ZNF236: variants seen among roughly 807,000 people sequenced by gnomAD.
ZNF236 encodes regulated by glucose.
A neutral mutation model predicts 191.2 loss-of-function variants in ZNF236; 50 were observed. The observed-to-expected ratio is 0.26, with a 90% CI of 0.21 to 0.33. ZNF236 has a LOEUF of 0.33. ZNF236 is among the 10% of genes least tolerant of loss of function. ZNF236 has a pLI of 1.00. For missense variants in ZNF236, 1,754 were observed against 2,374.5 expected (o/e 0.74, Z 5.43); for synonymous variants, 907 against 928.8 (o/e 0.98, Z 0.43).
chr18:76,826,834 GC>G (rs1295829604), intron 1 of ZNF236, among the ~76,000 whole-genome samples: 3 of 149,726 alleles, frequency 2.0e-5, no homozygotes, highest in Middle Eastern at 3.3e-3. Context: ...TTAGTGTTCT[GC>G]CTTGATAAAT....
Position 76,908,518 on chromosome 18 carries a change from G to C in ZNF236, c.2496G>C (p.Thr832=), listed in dbSNP as rs372650704. The change falls in exon 14 of 31, where the codon ACG becomes ACC. Residue 832 remains threonine (T), a synonymous_variant. Transcript: ENST00000320610. Reference sequence around the variant, plus strand: ...TGGAGCCTCAGCATGTGGTGGGCACGGAGGAAGCAGGGCTGGGCCAGCAGT... The same window carrying C: ...TGGAGCCTCAGCATGTGGTGGGCACCGAGGAAGCAGGGCTGGGCCAGCAGT... ...LDLEPQHVVG[T]EEAGLGQQLA... is the part of the protein sequence containing the mutation. 1.2e-6 allele frequency: 2 copies of C among 1,613,612 alleles called. No individual in the cohort carries two copies. Among genetic ancestry groups the C allele is most frequent in the Non-Finnish European group, 1.7e-6 (2 of 1,179,938 alleles).
intron 4 of ZNF236, 61 bp downstream of exon 4, chr18:76,868,924 T>C: frequency 1.4e-6 from 2 of 1,477,390 alleles, no homozygotes; most frequent in South Asian, 2.7e-5. Context: ...GCTGGCGCAC[T>C]TTGGTACGAC....
rs1977356762 is a variant in ZNF236, at chr18:76,894,948, G to C, written c.1418-65G>C. 1.9e-6 allele frequency: 3 copies of C among 1,574,572 alleles called. No homozygotes were observed. The South Asian group carries it at 3.4e-5, about 18-fold the overall frequency. On this transcript the variant is annotated intron_variant, in intron 9 of 30. Coordinates refer to ENST00000320610, the MANE Select transcript of ZNF236 (RefSeq NM_001306089.2). ...TGCAGCTTTCTGTGGGGACCACAGG[G>C]GGTCCTGGACCTGACCCTAGGCGGG... is the stretch of plus-strand genomic sequence containing the variant.
intron 21 of ZNF236, among the ~76,000 whole-genome samples, chr18:76,924,198 T>G (rs1202118857): frequency 1.3e-5 from 2 of 152,146 alleles, no homozygotes; most frequent in Non-Finnish European, 2.9e-5. Flanking sequence ...GCAGTGAACT[T>G]TTTGTGGATA....
In ZNF236 at chr18:76,902,006, T is replaced by C. The variant is rs535110572; in HGVS notation, c.1895-2374T>C. On this transcript the variant is annotated intron_variant, in intron 11 of 30. Transcript: ENST00000320610. ...GGTTTCTGGACTTCAAGTTTTTGAA[T>C]CTTCAGTTGAGTTAGGTTCTTGACT... Among the ~76,000 whole-genome samples, 28 of 152,280 alleles carry C rather than the reference T, an allele frequency of 1.8e-4. No individual in the cohort carries two copies. The South Asian group carries it at 4.1e-3, about 23-fold the overall frequency.
chr18:76,829,332 T>A (rs1222977928), intron 1 of ZNF236, among the ~76,000 whole-genome samples: 2 of 226 alleles, frequency 8.8e-3, no homozygotes, highest in African/African-American at 0.059. Flanking sequence ...CTGGGGGAGG[T>A]TTTTTTTTTT....
In ZNF236 at chr18:76,969,606, A is replaced by G. The variant is rs1276999805; in HGVS notation, c.*1267A>G. The G allele has an allele frequency of 1.3e-5, 2 of 152,522 alleles. No homozygotes were observed. Among genetic ancestry groups the G allele is most frequent in the Non-Finnish European group, 2.9e-5 (2 of 68,024 alleles). 9.4% of individuals were successfully genotyped at this position (152,522 alleles called of 1,614,324 possible). A position where few individuals can be genotyped will look rare whatever the true frequency, so the allele number is the denominator to read the frequency against. On this transcript the variant is annotated 3_prime_UTR_variant, in exon 31 of 31. Transcript: ENST00000320610. ...TGGATATCTTTTTCATTGTCATATA[A>G]AGCTGGGTTTTATTTTTTTTTCCTG... is the stretch of plus-strand genomic sequence containing the variant.
chr18:76,861,149 G>T (rs1976209456), intron 3 of ZNF236, among the ~76,000 whole-genome samples: 1 of 152,258 alleles, frequency 6.6e-6, no homozygotes, highest in South Asian at 2.1e-4. Context: ...TTGGCAATAT[G>T]TTGGCTCTCT....
At chr18:76,958,144 C>T (rs938529067) in intron 28 of ZNF236, among the ~76,000 whole-genome samples, 1 of 152,194 alleles carries the variant, frequency 6.6e-6, no homozygotes, top group East Asian at 1.9e-4. Context: ...CCTCACTTGT[C>T]GCTTGTAGCA....
intron 1 of ZNF236, among the ~76,000 whole-genome samples, chr18:76,825,445 C>G (rs1361990821): frequency 1.3e-5 from 2 of 151,966 alleles, no homozygotes; most frequent in Non-Finnish European, 2.9e-5. Context: ...TAGCACGAAT[C>G]TAGGTGGTGG....
chr18:76,837,066 G>A (rs1299485614), intron 1 of ZNF236, among the ~76,000 whole-genome samples: 1 of 149,388 alleles, frequency 6.7e-6, no homozygotes, highest in Non-Finnish European at 1.5e-5. Context: ...AGTAGAGATG[G>A]GGTTTTGCCA....
chr18:76,843,372 G>A (rs952449222), intron 1 of ZNF236, among the ~76,000 whole-genome samples: 1 of 152,174 alleles, frequency 6.6e-6, no homozygotes, highest in Non-Finnish European at 1.5e-5. Flanking sequence ...AGGGCTCCAG[G>A]ATCCAGACAC....
intron 30 of ZNF236, among the ~76,000 whole-genome samples, chr18:76,964,837 C>A (rs904492744): frequency 1.3e-5 from 2 of 152,138 alleles, no homozygotes; most frequent in Non-Finnish European, 2.9e-5. Flanking sequence ...TTTTTAGCTG[C>A]TGTTGCTGAT....
rs1038150205 is a variant in ZNF236 at position 76,875,783 on chromosome 18, C to T, written c.840+119C>T. The T allele has an allele frequency of 3.4e-5, 38 of 1,108,818 alleles. No individual in the cohort carries two copies. The highest frequency in any genetic ancestry group is 7.2e-5 in the South Asian group (2 of 27,892). The allele number at this position is 1,108,818 out of a possible 1,614,324, so 68.7% of individuals were successfully genotyped here. On this transcript the variant is annotated intron_variant, in intron 6 of 30. Transcript: ENST00000320610. This position sits in a 1 kb window ranked among gnomAD's most constrained non-coding sequence, Gnocchi z 4.3. Reference sequence around the variant, plus strand: ...AAAAAAATGCAGATTGATTTTGTGCCGAGCAGACCCTGTTTTAAAAAATAC... The same window carrying T: ...AAAAAAATGCAGATTGATTTTGTGCTGAGCAGACCCTGTTTTAAAAAATAC...
intron 21 of ZNF236, 84 bp downstream of exon 21, chr18:76,923,258 A>G (rs1014417267): frequency 1.1e-6 from 1 of 914,988 alleles, no homozygotes; most frequent in Non-Finnish European, 1.7e-6. Flanking sequence ...TGTGTACATA[A>G]ATACTTTCCA....
At chr18:76,956,233 A>T (rs1269622689) in intron 28 of ZNF236, 51 bp downstream of exon 28, 1 of 1,532,812 alleles carries the variant, frequency 6.5e-7, no homozygotes, top group African/African-American at 1.4e-5. Context: ...GCGGCTAGAG[A>T]TGCGGAGTCC....
chr18:76,860,021 G>T (rs17059983), intron 3 of ZNF236, among the ~76,000 whole-genome samples: 6,748 of 152,214 alleles, frequency 0.044, 444 homozygotes, highest in African/African-American at 0.14. Context: ...GCTTTCCACC[G>T]CTCAGCCGCT....
chr18:76,868,065 T>C (rs1214661122), intron 3 of ZNF236, among the ~76,000 whole-genome samples: 1 of 152,194 alleles, frequency 6.6e-6, no homozygotes, highest in East Asian at 1.9e-4. Context: ...TATGAAAGAT[T>C]ACTGAGCTGT....
intron 27 of ZNF236, 86 bp from the exon 28 acceptor site, chr18:76,955,899 C>T: frequency 6.9e-7 from 1 of 1,441,862 alleles, no homozygotes; most frequent in Non-Finnish European, 9.5e-7. Context: ...AGGAATGTCC[C>T]TCTTATCACC....
Sources: gnomAD v4.1 joint callset for allele counts (sites outside exome capture counted in the v4.1 genomes callset) on GRCh38, gnomAD v4.1.1 for gene constraint, Gnocchi (gnomAD v3.1) non-coding constraint, MANE v1.5 for transcripts, NCBI Gene and HGNC (gene_info 2026-07-23, HGNC 2026-07-21) for gene names.